MYO3B: variants seen among roughly 807,000 people sequenced by gnomAD.
MYO3B encodes the protein myosin-IIIb.
In MYO3B, 156 loss-of-function variants were observed where a neutral mutation model predicts 174.6. That is an observed-to-expected ratio of 0.89 (90% confidence interval 0.78 to 1.02). The LOEUF (loss-of-function observed/expected upper bound fraction) is 1.02, where lower values mean the gene tolerates loss of function less well. Among genes scored for constraint, MYO3B ranks in the 50% least tolerant of loss-of-function variants. The pLI, the probability that MYO3B is intolerant of heterozygous loss-of-function variation, is 0.00. For missense variants in MYO3B, 1,632 were observed against 1,639.4 expected (o/e 1.00, Z 0.08); for synonymous variants, 563 against 569.1 (o/e 0.99, Z 0.15).
chr2:170,509,379 A>G (rs10176755), intron 28 of MYO3B, among the ~76,000 whole-genome samples: 18,257 of 152,222 alleles, frequency 0.12, 2,837 homozygotes, highest in African/African-American at 0.34. Flanking sequence ...ACAAAATGCT[A>G]TAACTTCAAA....
At chr2:170,486,761 T>G (rs1413508622) in intron 25 of MYO3B, among the ~76,000 whole-genome samples, 1 of 152,176 alleles carries the variant, frequency 6.6e-6, no homozygotes, top group African/African-American at 2.4e-5. Flanking sequence ...TGTTTATGAA[T>G]TCACTCCCCA....
At position 170,338,385 on chromosome 2, in the gene MYO3B, G is replaced by A. The variant is rs147232607; in HGVS notation, c.815+2935G>A. 4.8e-3 allele frequency among the ~76,000 whole-genome samples: 724 copies of A among 152,058 alleles called. 5 individuals carry two copies. The highest frequency in any genetic ancestry group is 0.01 in the South Asian group (50 of 4,820). On this transcript the variant is annotated intron_variant, in intron 8 of 34. Coordinates refer to ENST00000408978, the MANE Select transcript of MYO3B (RefSeq NM_138995.5). ...TTTTTGTTTAATGAGTTGTCTTTAC[G>A]GTTTTTTATTAGTGAAAAATTTTAT...
At chr2:170,266,840 C>A (rs1354000304) in intron 7 of MYO3B, among the ~76,000 whole-genome samples, 1 of 152,158 alleles carries the variant, frequency 6.6e-6, no homozygotes, top group African/African-American at 2.4e-5. Flanking sequence ...ATCCTCTGCC[C>A]CTCTTAGGGA....
intron 28 of MYO3B, 120 bp downstream of exon 28, chr2:170,501,985 G>T: frequency 1.5e-6 from 1 of 657,044 alleles, no homozygotes; most frequent in Non-Finnish European, 2.6e-6. Context: ...AAGAGTTCTG[G>T]GAGACAGGAG....
intron 25 of MYO3B, among the ~76,000 whole-genome samples, chr2:170,487,856 G>A (rs1439386428): frequency 6.6e-6 from 1 of 152,172 alleles, no homozygotes; most frequent in East Asian, 1.9e-4. Context: ...AATAAAAAAT[G>A]TAGGCCATCT....
Position 170,433,786 on chromosome 2 carries a change from G to A in MYO3B, c.2651-10181G>A, listed in dbSNP as rs1472183799. On this transcript the variant is annotated intron_variant, in intron 22 of 34. Coordinates refer to ENST00000408978, the MANE Select transcript of MYO3B (RefSeq NM_138995.5). ...ATACCATCTAGGTTTTTGTAAGTAC[G>A]CTCTATGCTGTTCACATAATGACAA... is the stretch of plus-strand genomic sequence containing the variant. Among the ~76,000 whole-genome samples, 7 of 152,240 alleles carry A rather than the reference G, an allele frequency of 4.6e-5. No homozygotes were observed. In the East Asian group the frequency reaches 9.6e-4, roughly 21 times the overall value.
chr2:170,577,643 C>T (rs1419192547), intron 32 of MYO3B, among the ~76,000 whole-genome samples: 1 of 152,188 alleles, frequency 6.6e-6, no homozygotes, highest in African/African-American at 2.4e-5. Context: ...GGTCTCCACT[C>T]CCCATCAGAG....
chr2:170,424,984 C>T (rs1289790152), intron 22 of MYO3B, among the ~76,000 whole-genome samples: 1 of 152,152 alleles, frequency 6.6e-6, no homozygotes, highest in Admixed American at 6.5e-5. Context: ...ATATTTATTT[C>T]ATATTTCAAT....
chr2:170,389,137 A>G (rs2094395724), intron 14 of MYO3B, among the ~76,000 whole-genome samples: 1 of 152,232 alleles, frequency 6.6e-6, no homozygotes, highest in South Asian at 2.1e-4. Flanking sequence ...TACTTTCCTC[A>G]TATGCAACAT....
chr2:170,579,036 T>G (rs567311801), intron 32 of MYO3B, among the ~76,000 whole-genome samples: 4 of 152,220 alleles, frequency 2.6e-5, no homozygotes, highest in Admixed American at 6.5e-5. Context: ...ATGTTTGCAG[T>G]GCACATCGCC....
At chr2:170,380,452 C>T (rs6723790) in intron 9 of MYO3B, among the ~76,000 whole-genome samples, 94,124 of 152,034 alleles carry the variant, frequency 0.62, 30,440 homozygotes, top group Non-Finnish European at 0.72. Flanking sequence ...TGAAGAAAAC[C>T]GATATACTGG....
At chr2:170,301,542 A>G (rs1380251289) in intron 7 of MYO3B, among the ~76,000 whole-genome samples, 3 of 152,200 alleles carry the variant, frequency 2.0e-5, no homozygotes, top group Admixed American at 6.5e-5. Flanking sequence ...CATTAAATTT[A>G]TGTTTAAAAT....
At chr2:170,236,195 G>A in intron 7 of MYO3B, 59 bp downstream of exon 7, 1 of 1,601,414 alleles carries the variant, frequency 6.2e-7, no homozygotes, top group South Asian at 1.1e-5. Flanking sequence ...TCTGGTTAGA[G>A]GGATAATAAA....
At chr2:170,627,989 C>T (rs373757015) in intron 32 of MYO3B, among the ~76,000 whole-genome samples, 2 of 152,198 alleles carry the variant, frequency 1.3e-5, no homozygotes, top group Admixed American at 6.5e-5. Flanking sequence ...TTAGGCTACT[C>T]GGGGGTCAGG....
At chr2:170,517,797 A>T (rs1231559392) in intron 29 of MYO3B, among the ~76,000 whole-genome samples, 8 of 152,024 alleles carry the variant, frequency 5.3e-5, no homozygotes, top group Admixed American at 1.3e-4. Context: ...TGGGCCAAAC[A>T]GTGATTTAGA....
At chr2:170,476,776 G>A (rs923414701) in intron 25 of MYO3B, among the ~76,000 whole-genome samples, 5 of 152,008 alleles carry the variant, frequency 3.3e-5, no homozygotes, top group Non-Finnish European at 7.4e-5. Context: ...TTAGGGCCAT[G>A]GGTATTCAGA....
chr2:170,246,309 A>G (rs1181644840), intron 7 of MYO3B, among the ~76,000 whole-genome samples: 4 of 152,226 alleles, frequency 2.6e-5, no homozygotes, highest in Non-Finnish European at 5.9e-5. Flanking sequence ...AAAAGTAGAA[A>G]AAAGGATTCT....
At chr2:170,213,887 G>A (rs1232860199) in intron 3 of MYO3B, among the ~76,000 whole-genome samples, 4 of 152,142 alleles carry the variant, frequency 2.6e-5, no homozygotes, top group Admixed American at 2.6e-4. Flanking sequence ...CTTCTGATAC[G>A]TGCTAGCACT....
chr2:170,501,251 C>T (rs1174686166), intron 27 of MYO3B, among the ~76,000 whole-genome samples: 1 of 152,186 alleles, frequency 6.6e-6, no homozygotes, highest in East Asian at 1.9e-4. Context: ...TCTCCCTCAG[C>T]ATACCTCTCG....
Sources: gnomAD v4.1 joint callset for allele counts (sites outside exome capture counted in the v4.1 genomes callset) on GRCh38, gnomAD v4.1.1 for gene constraint, MANE v1.5 for transcripts, NCBI Gene and HGNC (gene_info 2026-07-23, HGNC 2026-07-21) for gene names.